The following TCEANC2 variants were observed in gnomAD, a reference collection of about 807,000 sequenced individuals.
TCEANC2 encodes transcription elongation factor A N-terminal and central domain-containing protein 2.
In TCEANC2, 20 loss-of-function variants were observed where a neutral mutation model predicts 22.8. That is an observed-to-expected ratio of 0.88 (90% CI 0.62 to 1.28). The LOEUF (loss-of-function observed/expected upper bound fraction) is 1.28, where lower values mean the gene tolerates loss of function less well. Among genes scored for constraint, TCEANC2 ranks in the 50% most tolerant of loss-of-function variants. The pLI is 0.00. For missense variants in TCEANC2, 251 were observed against 249.7 expected (o/e 1.01, Z -0.03); for synonymous variants, 84 against 95.5 (o/e 0.88, Z 0.70).
downstream of TCEANC2, among the ~76,000 whole-genome samples, chr1:54,110,827 C>G (rs1006086740): frequency 6.6e-6 from 1 of 152,042 alleles, no homozygotes; most frequent in African/African-American, 2.4e-5. Flanking sequence ...TGCATGCACT[C>G]TTCCCTCTGC....
intron 3 of TCEANC2, among the ~76,000 whole-genome samples, chr1:54,087,582 G>C (rs1483451489): frequency 6.6e-6 from 1 of 152,020 alleles, no homozygotes; most frequent in Non-Finnish European, 1.5e-5. Context: ...ATTATTCCAT[G>C]GTATAATTTA....
chr1:54,072,063 C>T (rs1158523271), intron 3 of TCEANC2, among the ~76,000 whole-genome samples: 1 of 152,170 alleles, frequency 6.6e-6, no homozygotes, highest in Non-Finnish European at 1.5e-5. Context: ...CTTCTCATCT[C>T]AGCTTCCCAA....
chr1:54,062,104 A>G (rs1657868649), intron 2 of TCEANC2, among the ~76,000 whole-genome samples: 1 of 152,192 alleles, frequency 6.6e-6, no homozygotes, highest in Non-Finnish European at 1.5e-5. Context: ...ACTAGCCAAT[A>G]TGTTGCCTCC....
chr1:54,103,272 G>C lies in TCEANC2; in HGVS notation c.*6799G>C, dbSNP rs1158299133. 1.3e-5 allele frequency: 2 copies of C among 152,224 alleles called. No homozygotes were observed. The highest frequency in any genetic ancestry group is 2.9e-5 in the Non-Finnish European group (2 of 68,104). The allele number at this position is 152,224 out of a possible 1,614,324, so 9.4% of individuals were successfully genotyped here. ...TGCTATAAAGATACTACCTGAGACT[G>C]GGTAATTTAAGAAGGAAAGAGGTTT... is the stretch of plus-strand genomic sequence containing the variant. On this transcript the variant is annotated 3_prime_UTR_variant, in exon 5 of 5. Transcript: ENST00000234827.
exon 5 of TCEANC2, chr1:54,111,868 C>T (rs970900907): frequency 1.3e-4 from 20 of 152,248 alleles, no homozygotes; most frequent in Admixed American, 1.2e-3. Flanking sequence ...TCATGCTCCC[C>T]CAGTGCCCTG....
At chr1:54,083,602 G>T (rs1658285440) in intron 3 of TCEANC2, among the ~76,000 whole-genome samples, 1 of 152,152 alleles carries the variant, frequency 6.6e-6, no homozygotes, top group Non-Finnish European at 1.5e-5. Context: ...CATACATAAA[G>T]CTGGGTCAGC....
rs955605808 is a variant in TCEANC2, at chr1:54,100,234, C to T, written c.*3761C>T. On this transcript the variant is annotated 3_prime_UTR_variant, in exon 5 of 5. Transcript: ENST00000234827. ...GCCTGGGCGACAGAGCAAGACTCACCTCAGTCTCAAAGATAAAATAAAATA... is the reference window on the plus strand; with the variant it reads ...GCCTGGGCGACAGAGCAAGACTCACTTCAGTCTCAAAGATAAAATAAAATA... The T allele has an allele frequency of 2.0e-5, 3 of 152,044 alleles. No homozygotes were observed. The highest frequency in any genetic ancestry group is 4.8e-5 in the African/African-American group (2 of 41,394). 9.4% of individuals were successfully genotyped at this position (152,044 alleles called of 1,614,324 possible).
At chr1:54,057,354 T>C (rs1344695304) in intron 2 of TCEANC2, among the ~76,000 whole-genome samples, 4 of 142,906 alleles carry the variant, frequency 2.8e-5, no homozygotes, top group African/African-American at 1.0e-4. Context: ...CTAATTTTTT[T>C]TTTTTTTTTT....
intron 3 of TCEANC2, among the ~76,000 whole-genome samples, chr1:54,074,580 C>T (rs1241601285): frequency 2.0e-5 from 3 of 151,862 alleles, no homozygotes; most frequent in African/African-American, 4.8e-5. Flanking sequence ...TAGAAGAAAC[C>T]GAGAAGGTAC....
In TCEANC2 at chr1:54,096,220, G is replaced by C; in HGVS notation, c.439-65G>C. ...GGAGGCCTCTGAGCAGAGTGCTCCAGCCTCTCTTGCTTTTAATCCTTACGC... is the reference window on the plus strand; with the variant it reads ...GGAGGCCTCTGAGCAGAGTGCTCCACCCTCTCTTGCTTTTAATCCTTACGC... On this transcript the variant is annotated intron_variant, in intron 4 of 4. Transcript: ENST00000234827. The surrounding 1 kb of genome is among the most constrained non-coding windows in gnomAD (Gnocchi z 4.9). The C allele has an allele frequency of 6.6e-7, 1 of 1,524,302 alleles. No homozygotes were observed. Among genetic ancestry groups the C allele is most frequent in the South Asian group, 1.3e-5 (1 of 77,930 alleles). 94.4% of individuals were successfully genotyped at this position (1,524,302 alleles called of 1,614,324 possible).
At chr1:54,055,856 C>T (rs1204667794) in intron 2 of TCEANC2, among the ~76,000 whole-genome samples, 2 of 152,184 alleles carry the variant, frequency 1.3e-5, no homozygotes, top group Non-Finnish European at 2.9e-5. Context: ...TCAGTTTCCT[C>T]ATCTATAAAA....
chr1:54,105,224 G>A lies in TCEANC2; in HGVS notation c.*8751G>A, dbSNP rs993750929. The A allele has an allele frequency of 1.3e-5, 2 of 152,490 alleles. No individual in the cohort carries two copies. The highest frequency in any genetic ancestry group is 4.8e-5 in the African/African-American group (2 of 41,422). 9.4% of individuals were successfully genotyped at this position (152,490 alleles called of 1,614,324 possible). A position where few individuals can be genotyped will look rare whatever the true frequency, so the allele number is the denominator to read the frequency against. ...GACCCCCCAGCCACCATGCTTCCTG[G>A]GCCTCTTCCCACAGCTACTGGGAGT... is the stretch of plus-strand genomic sequence containing the variant. On this transcript the variant is annotated 3_prime_UTR_variant, in exon 5 of 5. Coordinates refer to ENST00000234827, the MANE Select transcript of TCEANC2 (RefSeq NM_153035.3).
At chr1:54,112,127 G>A (rs1344348818) in exon 5 of TCEANC2, 1 of 152,016 alleles carries the variant, frequency 6.6e-6, no homozygotes, top group Non-Finnish European at 1.5e-5. Context: ...CAGATCACTC[G>A]AGCTTAAGAG....
intron 3 of TCEANC2, among the ~76,000 whole-genome samples, chr1:54,083,208 A>T (rs1658278958): frequency 6.6e-6 from 1 of 152,108 alleles, no homozygotes; most frequent in Non-Finnish European, 1.5e-5. Flanking sequence ...AGGGGACTGG[A>T]TATTTGGTCT....
At chr1:54,066,218 C>T (rs934435214) in intron 2 of TCEANC2, among the ~76,000 whole-genome samples, 1 of 150,152 alleles carries the variant, frequency 6.7e-6, no homozygotes, top group East Asian at 2.0e-4. Flanking sequence ...ACCACTGCAC[C>T]CAGCCTGTGC....
In TCEANC2 at chr1:54,104,468, A is replaced by G. The variant is rs1419264863; in HGVS notation, c.*7995A>G. 2.7e-6 allele frequency: 1 copy of G among 375,474 alleles called. No individual in the cohort carries two copies. Among genetic ancestry groups the G allele is most frequent in the Non-Finnish European group, 5.4e-6 (1 of 185,580 alleles). 23.3% of individuals were successfully genotyped at this position (375,474 alleles called of 1,614,324 possible). A position where few individuals can be genotyped will look rare whatever the true frequency, so the allele number is the denominator to read the frequency against. ...GAGGAGGTACAGCTGCTGTTAAGCA[A>G]TGGAGGGAAGGGAGGTATATCTTTG... On this transcript the variant is annotated 3_prime_UTR_variant, in exon 5 of 5. Coordinates refer to ENST00000234827, the MANE Select transcript of TCEANC2 (RefSeq NM_153035.3).
chr1:54,083,922 A>C (rs1193601167), intron 3 of TCEANC2, among the ~76,000 whole-genome samples: 1 of 152,146 alleles, frequency 6.6e-6, no homozygotes, highest in African/African-American at 2.4e-5. Context: ...GACTCACACT[A>C]TGTGTGCTCT....
intron 2 of TCEANC2, among the ~76,000 whole-genome samples, chr1:54,058,906 C>T (rs1378856859): frequency 2.0e-5 from 3 of 152,152 alleles, no homozygotes; most frequent in East Asian, 1.9e-4. Flanking sequence ...CCTCCCGCCT[C>T]GGCCTCCCAA....
At chr1:54,057,654 A>T (rs924979018) in intron 2 of TCEANC2, among the ~76,000 whole-genome samples, 1 of 151,842 alleles carries the variant, frequency 6.6e-6, no homozygotes, top group Non-Finnish European at 1.5e-5. Context: ...CCACTCTTAC[A>T]CCAGAGAAAT....
Sources: allele counts gnomAD v4.1 joint callset (sites outside exome capture counted in the v4.1 genomes callset), GRCh38; gene constraint gnomAD v4.1.1; non-coding constraint Gnocchi (gnomAD v3.1); transcripts MANE v1.5; gene names NCBI Gene and HGNC (gene_info 2026-07-23, HGNC 2026-07-21).